MTERF4: variants seen among roughly 807,000 people sequenced by gnomAD.
MTERF4 encodes mitochondrial transcription termination factor 4.
In MTERF4, 17 loss-of-function variants were observed where a neutral mutation model predicts 22.5. That is an observed-to-expected ratio of 0.75 (90% CI 0.52 to 1.13). The LOEUF (loss-of-function observed/expected upper bound fraction) is 1.13. MTERF4 is among the 50% of genes most tolerant of loss of function. The probability of loss-of-function intolerance (pLI) is 0.00; values close to 1 mark genes in which losing one functional copy is unlikely to be tolerated. For missense variants in MTERF4, 420 were observed against 466.8 expected, an observed-to-expected ratio of 0.90 and a Z score of 0.92; for synonymous variants, 165 against 175.3, an observed-to-expected ratio of 0.94 and a Z score of 0.47.
At chr2:241,065,726 G>A in the MTERF4 span, 1 of 819,910 alleles carries the variant, frequency 1.2e-6, no homozygotes, top group Non-Finnish European at 1.9e-6. Context: ...ACAGACAGCT[G>A]AGCTGGGGGT....
chr2:241,092,433 G>A (rs2064090358), downstream of MTERF4: 1 of 152,174 alleles, frequency 6.6e-6, no homozygotes, highest in African/African-American at 2.4e-5. The surrounding 1 kb of genome is among the most constrained non-coding windows in gnomAD (Gnocchi z 4.6). Flanking sequence ...TACAATAACA[G>A]GTGGTGGCCA....
At chr2:241,049,225 C>A in the MTERF4 span, 1 of 940,698 alleles carries the variant, frequency 1.1e-6, no homozygotes, top group South Asian at 1.5e-5. Flanking sequence ...AGGCCAGAGT[C>A]CCTACTTCCC....
chr2:241,064,086 G>C, the MTERF4 span: 1 of 1,569,502 alleles, frequency 6.4e-7, no homozygotes, highest in Non-Finnish European at 8.6e-7. This position sits in a 1 kb window ranked among gnomAD's most constrained non-coding sequence, Gnocchi z 7.0. Flanking sequence ...CTACCTGTGC[G>C]TCTGCCCAGA....
At chr2:241,101,287 A>G (rs1295496039) in intron 1 of MTERF4, 1 of 414,342 alleles carries the variant, frequency 2.4e-6, no homozygotes, top group Non-Finnish European at 5.2e-6. Flanking sequence ...CGCAACCTGG[A>G]CCCCTCAAAG....
At chr2:241,090,466 G>A, downstream of MTERF4, 1 of 1,529,232 alleles carries the variant, frequency 6.5e-7, no homozygotes, top group Non-Finnish European at 8.8e-7. Flanking sequence ...TAATGATGAA[G>A]AGTATAGTAA....
chr2:241,060,902 C>T, the MTERF4 span, among the ~76,000 whole-genome samples: 5 of 151,894 alleles, frequency 3.3e-5, no homozygotes, highest in Non-Finnish European at 5.9e-5. Context: ...TGCATTCCAG[C>T]TTGGGGGACA....
chr2:241,048,270 C>A, the MTERF4 span: 1 of 1,549,300 alleles, frequency 6.5e-7, no homozygotes, highest in East Asian at 2.3e-5. Flanking sequence ...ACCACTCTCC[C>A]CACATTCCCT....
the MTERF4 span, chr2:241,052,231 G>C: frequency 6.7e-7 from 1 of 1,483,596 alleles, no homozygotes; most frequent in Non-Finnish European, 9.4e-7. Flanking sequence ...CAGGCCCATG[G>C]GCAGGGCTGG....
chr2:241,062,657 C>T, the MTERF4 span: 1 of 711,942 alleles, frequency 1.4e-6, no homozygotes, highest in Non-Finnish European at 2.5e-6. Context: ...GATATCCAGC[C>T]CTGGTCTCTG....
At chr2:241,087,632 A>T, downstream of MTERF4, 1 of 1,438,364 alleles carries the variant, frequency 7.0e-7, no homozygotes, top group African/African-American at 1.4e-5. Context: ...TTCTGCTACG[A>T]AACTGTATGT....
the MTERF4 span, chr2:241,052,533 A>AGAGG: frequency 2.5e-6 from 3 of 1,179,594 alleles, no homozygotes; most frequent in African/African-American, 6.0e-5. Context: ...TGAGATGGCC[A>AGAGG]GGGCCCAAGC....
chr2:241,093,991 G>A (rs2064218084), downstream of MTERF4: 1 of 218,372 alleles, frequency 4.6e-6, no homozygotes. Context: ...AGTGCAGACT[G>A]AGGATTCTAC....
downstream of MTERF4, chr2:241,071,576 C>T (rs749115309): frequency 3.8e-6 from 6 of 1,583,320 alleles, no homozygotes; most frequent in Non-Finnish European, 4.3e-6. Flanking sequence ...TGCTCTGCAG[C>T]CCCCAGGGAT....
chr2:241,089,350 A>G (rs1296983632), downstream of MTERF4: 2 of 1,550,582 alleles, frequency 1.3e-6, no homozygotes, highest in African/African-American at 1.4e-5. Context: ...AAACAGGTCT[A>G]TGTTTTGTTA....
the MTERF4 span, among the ~76,000 whole-genome samples, chr2:241,052,756 G>C: frequency 8.1e-3 from 524 of 64,352 alleles, 7 homozygotes; most frequent in East Asian, 0.018. Context: ...GGGCCGGGGG[G>C]CCAAGCAGGG....
At chr2:241,049,350 C>T in the MTERF4 span, among the ~76,000 whole-genome samples, 1 of 152,208 alleles carries the variant, frequency 6.6e-6, no homozygotes, top group Admixed American at 6.5e-5. Context: ...GGGAAAAGCA[C>T]TTCTGCAAGT....
At chr2:241,098,244 C>T (rs1357998041) in intron 2 of MTERF4, among the ~76,000 whole-genome samples, 1 of 152,198 alleles carries the variant, frequency 6.6e-6, no homozygotes, top group Non-Finnish European at 1.5e-5. Flanking sequence ...TAATTAATCA[C>T]CACCACACAT....
chr2:241,087,160 A>C, downstream of MTERF4: 1 of 495,978 alleles, frequency 2.0e-6, no homozygotes, highest in Non-Finnish European at 3.5e-6. Flanking sequence ...AATGCACATT[A>C]AAATGGGTTT....
chr2:241,083,951 TTTCC>T (rs2063454278), downstream of MTERF4, among the ~76,000 whole-genome samples: 1 of 139,880 alleles, frequency 7.1e-6, no homozygotes, highest in South Asian at 2.2e-4. Flanking sequence ...TTTTTTCTTT[TTTCC>T]TGCCTAATTT....
Sources: allele counts gnomAD v4.1 joint callset (sites outside exome capture counted in the v4.1 genomes callset), GRCh38; gene constraint gnomAD v4.1.1; non-coding constraint Gnocchi (gnomAD v3.1); transcripts MANE v1.5; gene names NCBI Gene and HGNC (gene_info 2026-07-23, HGNC 2026-07-21).